NKAIN2: variants seen among roughly 807,000 people sequenced by gnomAD.
NKAIN2 encodes the protein sodium/potassium-transporting ATPase subunit beta-1-interacting protein 2.
Under a neutral mutation model 32.6 loss-of-function variants are expected in NKAIN2, and 14 were observed. That is an observed-to-expected ratio of 0.43 (90% CI 0.28 to 0.67). The LOEUF (loss-of-function observed/expected upper bound fraction) is 0.67. NKAIN2 is among the 30% of genes least tolerant of loss of function. The pLI is 0.17. For missense variants in NKAIN2, 198 were observed against 258.3 expected, an observed-to-expected ratio of 0.77 and a Z score of 1.60; for synonymous variants, 80 against 87.2, an observed-to-expected ratio of 0.92 and a Z score of 0.46.
intron 1 of NKAIN2, among the ~76,000 whole-genome samples, chr6:123,949,327 T>A (rs1237279603): frequency 6.6e-6 from 1 of 151,974 alleles, no homozygotes; most frequent in Non-Finnish European, 1.5e-5. Flanking sequence ...ATTTTTTCTA[T>A]GTCTGTGAAA....
At chr6:124,778,058 A>G (rs1256541255) in intron 4 of NKAIN2, among the ~76,000 whole-genome samples, 2 of 152,146 alleles carry the variant, frequency 1.3e-5, no homozygotes, top group Non-Finnish European at 2.9e-5. Flanking sequence ...GTGAGGAGAT[A>G]GACAGATTGT....
At chr6:124,441,903 A>G (rs1775704730) in intron 3 of NKAIN2, among the ~76,000 whole-genome samples, 1 of 151,980 alleles carries the variant, frequency 6.6e-6, no homozygotes. Context: ...AGTATTTTCT[A>G]TTCTAGCAGG....
In NKAIN2 at chr6:124,186,486, A is replaced by C. The variant is rs369778747; in HGVS notation, c.55-96519A>C. Among the ~76,000 whole-genome samples the C allele has an allele frequency of 5.3e-5, 8 of 152,232 alleles. No individual in the cohort carries two copies. In the East Asian group the frequency reaches 1.6e-3, roughly 30 times the overall value. On this transcript the variant is annotated intron_variant, in intron 1 of 6. Coordinates refer to ENST00000368417, the MANE Select transcript of NKAIN2 (RefSeq NM_001040214.3). The stretch of plus-strand genomic sequence containing the variant: ...GTTTTCCACAGTGAACCTTGAGAGA[A>C]TATCAGGAGACACAATGAAGGAGGT...
At chr6:124,208,210 CT>C (rs1282082546) in intron 1 of NKAIN2, among the ~76,000 whole-genome samples, 1 of 151,686 alleles carries the variant, frequency 6.6e-6, no homozygotes, top group African/African-American at 2.4e-5. Context: ...GCCTCAATTT[CT>C]TGATATATAA....
chr6:123,907,728 T>C (rs1774959124), intron 1 of NKAIN2, among the ~76,000 whole-genome samples: 1 of 152,082 alleles, frequency 6.6e-6, no homozygotes. Flanking sequence ...CATCCCCTCA[T>C]TCCCTCATTG....
intron 1 of NKAIN2, among the ~76,000 whole-genome samples, chr6:124,123,534 A>C (rs1785998434): frequency 6.6e-6 from 1 of 152,012 alleles, no homozygotes; most frequent in Non-Finnish European, 1.5e-5. Flanking sequence ...TTTTGCATAG[A>C]TGTGCATTTG....
chr6:124,129,186 G>C (rs369850127), intron 1 of NKAIN2, among the ~76,000 whole-genome samples: 3 of 152,062 alleles, frequency 2.0e-5, no homozygotes, highest in African/African-American at 7.3e-5. Flanking sequence ...GTTTTTGTAT[G>C]TTGTAGAAAT....
At chr6:124,273,762 T>C (rs1229142524) in intron 1 of NKAIN2, among the ~76,000 whole-genome samples, 1 of 152,238 alleles carries the variant, frequency 6.6e-6, no homozygotes, top group Non-Finnish European at 1.5e-5. Flanking sequence ...TTCTGTGTTA[T>C]GAATATGTAA....
At chr6:124,770,895 A>T (rs569134958) in intron 4 of NKAIN2, among the ~76,000 whole-genome samples, 1 of 152,304 alleles carries the variant, frequency 6.6e-6, no homozygotes, top group East Asian at 1.9e-4. Context: ...AAAAAAAGCC[A>T]CGTACACAGT....
At chr6:123,920,651 T>A (rs1283942736) in intron 1 of NKAIN2, among the ~76,000 whole-genome samples, 1 of 152,098 alleles carries the variant, frequency 6.6e-6, no homozygotes, top group Non-Finnish European at 1.5e-5. Context: ...GGAGAATAAT[T>A]TAGCTTCTTC....
intron 4 of NKAIN2, among the ~76,000 whole-genome samples, chr6:124,767,931 C>T (rs1778582979): frequency 6.6e-6 from 1 of 152,330 alleles, no homozygotes; most frequent in African/African-American, 2.4e-5. Context: ...GCACAGCACA[C>T]AGTAGATTCC....
intron 1 of NKAIN2, among the ~76,000 whole-genome samples, chr6:124,055,049 G>A (rs1428384825): frequency 3.3e-5 from 5 of 151,956 alleles, no homozygotes; most frequent in African/African-American, 1.2e-4. Flanking sequence ...TTAAATTCAG[G>A]TAAAATGTAT....
At chr6:123,973,490 G>C (rs1457787997) in intron 1 of NKAIN2, among the ~76,000 whole-genome samples, 3 of 152,066 alleles carry the variant, frequency 2.0e-5, no homozygotes, top group African/African-American at 7.2e-5. Flanking sequence ...TGTCTATATA[G>C]AGGAGAAAAA....
chr6:124,675,800 G>A (rs1278347943), intron 4 of NKAIN2, among the ~76,000 whole-genome samples: 1 of 150,102 alleles, frequency 6.7e-6, no homozygotes, highest in Admixed American at 6.6e-5. Flanking sequence ...TAGTTTTTTT[G>A]TTTTTTTAAT....
At chr6:124,738,005 A>C (rs565081254) in intron 4 of NKAIN2, among the ~76,000 whole-genome samples, 1 of 151,950 alleles carries the variant, frequency 6.6e-6, no homozygotes, top group African/African-American at 2.4e-5. Context: ...GCAAAGGAAA[A>C]CCCATTTTCT....
intron 1 of NKAIN2, among the ~76,000 whole-genome samples, chr6:123,882,206 CAT>C (rs1773487013): frequency 6.6e-6 from 1 of 151,872 alleles, no homozygotes; most frequent in Admixed American, 6.6e-5. Context: ...TTAAAATAAA[CAT>C]ATGTATATGT....
At chr6:124,424,710 A>AC (rs137973997) in intron 3 of NKAIN2, among the ~76,000 whole-genome samples, 2 of 150,916 alleles carry the variant, frequency 1.3e-5, no homozygotes, top group African/African-American at 2.4e-5. Flanking sequence ...TAGCATAATG[A>AC]CCCCCCCACC....
At chr6:124,010,694 TTGTG>T (rs1265157595) in intron 1 of NKAIN2, among the ~76,000 whole-genome samples, 1 of 151,568 alleles carries the variant, frequency 6.6e-6, no homozygotes, top group Non-Finnish European at 1.5e-5. Flanking sequence ...GAAGATTAAA[TTGTG>T]TGTGTGTGCA....
intron 4 of NKAIN2, among the ~76,000 whole-genome samples, chr6:124,784,749 T>C (rs1403200894): frequency 6.6e-6 from 1 of 152,050 alleles, no homozygotes; most frequent in African/African-American, 2.4e-5. Flanking sequence ...TGCACTCCTG[T>C]GTAGGAGTGC....
Sources: gnomAD v4.1 joint callset for allele counts (sites outside exome capture counted in the v4.1 genomes callset) on GRCh38, gnomAD v4.1.1 for gene constraint, MANE v1.5 for transcripts, NCBI Gene and HGNC (gene_info 2026-07-23, HGNC 2026-07-21) for gene names.